Variants in ARPP21 observed in about 807,000 individuals in gnomAD.
The protein encoded by ARPP21 is cAMP-regulated phosphoprotein 21.
A neutral mutation model predicts 113.2 loss-of-function variants in ARPP21; 69 were observed. The ratio of observed to expected loss-of-function variants is 0.61; its 90% CI spans 0.50 to 0.74. The LOEUF is 0.74. ARPP21 is among the 30% of genes least tolerant of loss of function. ARPP21 has a pLI of 0.00. For missense variants in ARPP21, 1,070 were observed against 1,037.4 expected (o/e 1.03, Z -0.43); for synonymous variants, 368 against 375.5 (o/e 0.98, Z 0.23).
chr3:35,748,299 G>GAAGAAAGA (rs200766932), intron 19 of ARPP21, among the ~76,000 whole-genome samples: 6 of 116,892 alleles, frequency 5.1e-5, no homozygotes, highest in African/African-American at 1.3e-4. Context: ...AGGAAGGAAG[G>GAAGAAAGA]AAGAAAGAAA....
intron 14 of ARPP21, among the ~76,000 whole-genome samples, chr3:35,724,313 A>G (rs568013182): frequency 1.3e-5 from 2 of 152,292 alleles, no homozygotes; most frequent in African/African-American, 4.8e-5. Context: ...CTGTGCGGCA[A>G]CCTCAGCTGT....
chr3:35,773,930 A>G (rs1482241385), intron 19 of ARPP21, among the ~76,000 whole-genome samples: 1 of 152,180 alleles, frequency 6.6e-6, no homozygotes, highest in Admixed American at 6.5e-5. Flanking sequence ...TGATGATTCT[A>G]TCAGGAGGTA....
rs1257840157 is a variant in ARPP21 at position 35,743,822 on chromosome 3, C to T, written c.2011-17C>T. The T allele has an allele frequency of 1.2e-6, 2 of 1,610,542 alleles. No homozygotes were observed. Among genetic ancestry groups the T allele is most frequent in the South Asian group, 1.1e-5 (1 of 90,352 alleles). ...CTACATTTTCATTCTCTGCTTTCTTCCTCCTTTCTTCCACAGATGCCTGTA... is the reference window on the plus strand; with the variant it reads ...CTACATTTTCATTCTCTGCTTTCTTTCTCCTTTCTTCCACAGATGCCTGTA... On this transcript the variant is annotated splice_polypyrimidine_tract_variant and intron_variant, in intron 18 of 20. Coordinates refer to ENST00000684406, the MANE Select transcript of ARPP21 (RefSeq NM_001385562.1).
chr3:35,719,219 G>A (rs2092797637), intron 13 of ARPP21, among the ~76,000 whole-genome samples: 1 of 151,782 alleles, frequency 6.6e-6, no homozygotes, highest in Admixed American at 6.6e-5. Context: ...CTTCAACACT[G>A]TTAAGATGAT....
At chr3:35,781,043 C>T (rs1048104029) in intron 19 of ARPP21, among the ~76,000 whole-genome samples, 2 of 152,074 alleles carry the variant, frequency 1.3e-5, no homozygotes, top group African/African-American at 2.4e-5. Flanking sequence ...AATGTGAGGA[C>T]TGTTCCCAGC....
intron 19 of ARPP21, among the ~76,000 whole-genome samples, chr3:35,778,379 A>C (rs1205331399): frequency 6.6e-6 from 1 of 151,346 alleles, no homozygotes. Context: ...CAAGAGATCA[A>C]AGGGCAGAGG....
At chr3:35,658,779 T>G (rs1437380030) in intron 1 of ARPP21, among the ~76,000 whole-genome samples, 1 of 152,096 alleles carries the variant, frequency 6.6e-6, no homozygotes, top group Non-Finnish European at 1.5e-5. Context: ...GGCTCTGATG[T>G]GTAAGGCTGG....
At chr3:35,767,368 T>C (rs757028337) in intron 19 of ARPP21, among the ~76,000 whole-genome samples, 14 of 152,280 alleles carry the variant, frequency 9.2e-5, no homozygotes, top group Admixed American at 2.0e-4. Flanking sequence ...TAATCTAACT[T>C]TTATACTGTT....
intron 18 of ARPP21, among the ~76,000 whole-genome samples, chr3:35,741,641 T>G (rs563763927): frequency 6.6e-6 from 1 of 152,286 alleles, no homozygotes; most frequent in South Asian, 2.1e-4. Flanking sequence ...AAGTGCATAT[T>G]TTTTATAGTT....
chr3:35,770,289 G>A (rs1441165978), intron 19 of ARPP21, among the ~76,000 whole-genome samples: 2 of 151,976 alleles, frequency 1.3e-5, no homozygotes, highest in Admixed American at 6.6e-5. Context: ...TCATCAACTT[G>A]TCCTAGGAAA....
intron 10 of ARPP21, 60 bp downstream of exon 10, chr3:35,707,142 G>A: frequency 2.3e-6 from 3 of 1,277,694 alleles, no homozygotes; most frequent in Non-Finnish European, 2.3e-6. Context: ...GCTGACTGAT[G>A]TTCATGTCGT....
chr3:35,674,196 C>T (rs763516612), intron 1 of ARPP21, among the ~76,000 whole-genome samples: 2 of 151,916 alleles, frequency 1.3e-5, no homozygotes, highest in Non-Finnish European at 2.9e-5. Context: ...GATCATTTCA[C>T]GTTTTCATCC....
chr3:35,743,295 C>G (rs2094792058), intron 18 of ARPP21, among the ~76,000 whole-genome samples: 1 of 152,174 alleles, frequency 6.6e-6, no homozygotes, highest in Non-Finnish European at 1.5e-5. Context: ...CTTGTTTCAT[C>G]TAAAAAACAC....
chr3:35,777,185 A>G (rs1053193439), intron 19 of ARPP21, among the ~76,000 whole-genome samples: 8 of 152,204 alleles, frequency 5.3e-5, no homozygotes, highest in Non-Finnish European at 1.2e-4. Flanking sequence ...TTCTAAATCT[A>G]TGGAATAATT....
At chr3:35,707,205 G>C in intron 10 of ARPP21, 123 bp downstream of exon 10, 1 of 717,298 alleles carries the variant, frequency 1.4e-6, no homozygotes. Context: ...TGATACCACT[G>C]TCCTATCTCC....
At chr3:35,785,923 C>T (rs544902321) in intron 19 of ARPP21, among the ~76,000 whole-genome samples, 19 of 151,648 alleles carry the variant, frequency 1.3e-4, no homozygotes, top group Admixed American at 7.9e-4. Flanking sequence ...TTAAAACCAG[C>T]GAGTAATAAA....
intron 14 of ARPP21, among the ~76,000 whole-genome samples, chr3:35,728,734 A>T (rs1442670372): frequency 6.6e-6 from 1 of 152,138 alleles, no homozygotes. Context: ...GTGTTTGCTC[A>T]TATACACTAT....
chr3:35,702,573 C>T (rs1025569619), intron 9 of ARPP21, among the ~76,000 whole-genome samples: 2 of 151,622 alleles, frequency 1.3e-5, no homozygotes, highest in African/African-American at 4.8e-5. Context: ...AAAGGAGAGT[C>T]AAAGAGTTGG....
chr3:35,739,222 C>A, intron 17 of ARPP21, 95 bp from the exon 18 acceptor site: 1 of 1,421,968 alleles, frequency 7.0e-7, no homozygotes, highest in Non-Finnish European at 9.6e-7. Flanking sequence ...GTCTCTCCCA[C>A]AACTCCAAGA....
Sources: allele counts gnomAD v4.1 joint callset (sites outside exome capture counted in the v4.1 genomes callset), GRCh38; gene constraint gnomAD v4.1.1; transcripts MANE v1.5; gene names NCBI Gene and HGNC (gene_info 2026-07-23, HGNC 2026-07-21).